KHDRBS2: variants seen among roughly 807,000 people sequenced by gnomAD.
KHDRBS2 encodes the protein KH domain-containing, RNA-binding, signal transduction-associated protein 2.
A neutral mutation model predicts 44.3 loss-of-function variants in KHDRBS2; 26 were observed. The ratio of observed to expected loss-of-function variants is 0.59; its 90% confidence interval spans 0.43 to 0.81. The LOEUF (loss-of-function observed/expected upper bound fraction) is 0.81, where lower values mean the gene tolerates loss of function less well. Ranked by LOEUF, KHDRBS2 falls within the 40% of genes least tolerant of loss-of-function variation. KHDRBS2 has a pLI of 0.00. For missense variants in KHDRBS2, 476 were observed against 433.1 expected, an observed-to-expected ratio of 1.10 and a Z score of -0.88; for synonymous variants, 194 against 151.1, an observed-to-expected ratio of 1.28 and a Z score of -2.08.
chr6:62,258,477 C>T (rs1000547616), intron 1 of KHDRBS2, among the ~76,000 whole-genome samples: 2 of 151,972 alleles, frequency 1.3e-5, no homozygotes, highest in South Asian at 2.1e-4. Flanking sequence ...CTGAGGATCA[C>T]GGGCATGTAA....
At chr6:61,921,635 C>T (rs976918442) in intron 4 of KHDRBS2, among the ~76,000 whole-genome samples, 2 of 151,954 alleles carry the variant, frequency 1.3e-5, no homozygotes, top group African/African-American at 4.8e-5. Flanking sequence ...TACATCATGA[C>T]CATTGCTCCA....
chr6:61,675,569 T>G (rs956426773), downstream of KHDRBS2, among the ~76,000 whole-genome samples: 1 of 151,762 alleles, frequency 6.6e-6, no homozygotes, highest in Non-Finnish European at 1.5e-5. Context: ...TAAATATACA[T>G]TAAATATTAT....
At chr6:61,585,656 G>T in the KHDRBS2 span, among the ~76,000 whole-genome samples, 1 of 151,960 alleles carries the variant, frequency 6.6e-6, no homozygotes, top group African/African-American at 2.4e-5. Flanking sequence ...CATCAAAGAG[G>T]TTATGGTAAA....
chr6:61,797,011 T>G (rs1785462677), intron 6 of KHDRBS2, among the ~76,000 whole-genome samples: 1 of 152,108 alleles, frequency 6.6e-6, no homozygotes, highest in Non-Finnish European at 1.5e-5. Context: ...ATAATATAAG[T>G]GATAATACAG....
At chr6:61,912,296 T>G (rs1806194716) in intron 4 of KHDRBS2, among the ~76,000 whole-genome samples, 1 of 152,020 alleles carries the variant, frequency 6.6e-6, no homozygotes, top group Non-Finnish European at 1.5e-5. Context: ...AAAAGATAAA[T>G]TAGAATTACA....
chr6:62,065,802 C>T (rs561079704), intron 2 of KHDRBS2, among the ~76,000 whole-genome samples: 32 of 151,208 alleles, frequency 2.1e-4, no homozygotes, highest in Non-Finnish European at 4.4e-5. Context: ...AAGAATGATC[C>T]ATGTTTTACC....
chr6:61,757,676 T>C lies in KHDRBS2; in HGVS notation c.811-24912A>G, dbSNP rs556465895. Among the ~76,000 whole-genome samples the C allele has an allele frequency of 4.6e-5, 7 of 152,270 alleles. 1 individual carries two copies. The South Asian group carries it at 1.0e-3, about 23-fold the overall frequency. ...GTTTTTCCTCTTTTTCTGACTTCTT[T>C]TGGAGTAACTCAATATTTTTGTGAT... On this transcript the variant is annotated intron_variant, in intron 6 of 8. Coordinates refer to ENST00000281156, the MANE Select transcript of KHDRBS2 (RefSeq NM_152688.4).
the KHDRBS2 span, among the ~76,000 whole-genome samples, chr6:61,671,281 GTGAAGTA>G: frequency 3.2e-3 from 479 of 151,690 alleles, 20 homozygotes; most frequent in East Asian, 0.086. Flanking sequence ...ATATTCCATG[GTGAAGTA>G]TGAAGCATCG....
intron 7 of KHDRBS2, among the ~76,000 whole-genome samples, chr6:61,709,818 T>TGGACA (rs1770197754): frequency 6.6e-6 from 1 of 151,672 alleles, no homozygotes; most frequent in South Asian, 2.1e-4. Context: ...TAGTTTGAAA[T>TGGACA]GGACATAATT....
intron 7 of KHDRBS2, among the ~76,000 whole-genome samples, chr6:61,729,957 C>G (rs1212914340): frequency 2.0e-5 from 3 of 151,904 alleles, no homozygotes; most frequent in Non-Finnish European, 4.4e-5. Context: ...TGATAAAATA[C>G]AATTGATTAA....
At chr6:62,033,918 T>C (rs1307269708) in intron 3 of KHDRBS2, among the ~76,000 whole-genome samples, 2 of 151,448 alleles carry the variant, frequency 1.3e-5, no homozygotes, top group African/African-American at 4.8e-5. Flanking sequence ...TATACATTTA[T>C]ATATTTAGAA....
intron 6 of KHDRBS2, among the ~76,000 whole-genome samples, chr6:61,789,161 C>T (rs1464577727): frequency 6.6e-6 from 1 of 151,288 alleles, no homozygotes; most frequent in Non-Finnish European, 1.5e-5. Context: ...ATTAGTACTA[C>T]CTTACTTTGA....
intron 2 of KHDRBS2, among the ~76,000 whole-genome samples, chr6:62,048,973 T>G (rs974113237): frequency 6.7e-6 from 1 of 149,826 alleles, no homozygotes; most frequent in East Asian, 1.9e-4. Flanking sequence ...TTCTCTTCCC[T>G]TCTCTTCTCT....
At chr6:61,752,746 T>A (rs1350578515) in intron 6 of KHDRBS2, among the ~76,000 whole-genome samples, 1 of 149,198 alleles carries the variant, frequency 6.7e-6, no homozygotes, top group African/African-American at 2.5e-5. Context: ...TGGTTTAAGA[T>A]GAAGACAGAG....
intron 4 of KHDRBS2, among the ~76,000 whole-genome samples, chr6:61,949,974 T>C (rs1242885064): frequency 2.0e-5 from 3 of 152,208 alleles, no homozygotes; most frequent in East Asian, 3.9e-4. Context: ...ATTATCACAA[T>C]ATTCAAAATC....
At chr6:61,567,219 AG>A in the KHDRBS2 span, among the ~76,000 whole-genome samples, 1 of 152,152 alleles carries the variant, frequency 6.6e-6, no homozygotes, top group Admixed American at 6.5e-5. Flanking sequence ...TATATCTCAA[AG>A]GGGGAAAAAA....
At chr6:61,903,533 G>A (rs1470078308) in intron 4 of KHDRBS2, among the ~76,000 whole-genome samples, 2 of 152,158 alleles carry the variant, frequency 1.3e-5, no homozygotes, top group African/African-American at 4.8e-5. Context: ...GGAGGAAAAG[G>A]ATGAAGTCAA....
chr6:61,721,333 G>A (rs9362357), intron 7 of KHDRBS2, among the ~76,000 whole-genome samples: 54,458 of 151,856 alleles, frequency 0.36, 10,488 homozygotes, highest in East Asian at 0.48. Context: ...CTGGTAGCTT[G>A]ATGGGGGTGG....
At chr6:62,010,394 G>T (rs766068482) in intron 3 of KHDRBS2, among the ~76,000 whole-genome samples, 76 of 152,298 alleles carry the variant, frequency 5.0e-4, no homozygotes, top group Non-Finnish European at 5.7e-4. Flanking sequence ...TGTCTTGGAT[G>T]AGACTTTGGA....
Sources: allele counts gnomAD v4.1 joint callset (sites outside exome capture counted in the v4.1 genomes callset), GRCh38; gene constraint gnomAD v4.1.1; transcripts MANE v1.5; gene names NCBI Gene and HGNC (gene_info 2026-07-23, HGNC 2026-07-21).